KATNB1: variants seen among roughly 807,000 people sequenced by gnomAD.
KATNB1 encodes katanin p80 WD40 repeat-containing subunit B1.
KATNB1 carries 38 observed loss-of-function variants against 82.3 expected under a neutral mutation model. The observed-to-expected ratio is 0.46, with a 90% CI of 0.36 to 0.61. KATNB1 has a LOEUF of 0.61. KATNB1 is among the 20% of genes least tolerant of loss of function. KATNB1 has a pLI of 0.00. For missense variants in KATNB1, 749 were observed against 915.7 expected (o/e 0.82, Z 2.35); for synonymous variants, 361 against 368.7 (o/e 0.98, Z 0.24).
intron 2 of KATNB1, among the ~76,000 whole-genome samples, chr16:57,740,876 A>C (rs2049137009): frequency 6.8e-6 from 1 of 147,966 alleles, no homozygotes; most frequent in African/African-American, 2.5e-5. Flanking sequence ...CCCCATGCCC[A>C]CTCTCTCATG....
In KATNB1 at chr16:57,751,401, C is replaced by A; in HGVS notation, c.432+99C>A. The A allele has an allele frequency of 8.1e-7, 1 of 1,229,440 alleles. No homozygotes were observed. Among genetic ancestry groups the A allele is most frequent in the Non-Finnish European group, 1.2e-6 (1 of 833,010 alleles). 76.2% of individuals were successfully genotyped at this position (1,229,440 alleles called of 1,614,324 possible). ...GCAGGGGGTGGAGGGGACGGCTGTC[C>A]CACATGGGTGATAACATAAAACATA... On this transcript the variant is annotated intron_variant, in intron 6 of 19. Coordinates refer to ENST00000379661, the MANE Select transcript of KATNB1 (RefSeq NM_005886.3). The surrounding 1 kb of genome is among the most constrained non-coding windows in gnomAD (Gnocchi z 6.3).
rs1432858934 is a variant in KATNB1 at position 57,754,061 on chromosome 16, G to A, written c.1228+66G>A. On this transcript the variant is annotated intron_variant, in intron 13 of 19. Transcript: ENST00000379661. ...CCCCCGTCCCTCATCTTCTCTTCCT[G>A]TGAACCCTCCCAACAAGCCCCTTCC... 12 of 1,373,208 alleles carry A rather than the reference G, an allele frequency of 8.7e-6. No homozygotes were observed. The African/African-American group carries it at 1.6e-4, about 18-fold the overall frequency. The allele number at this position is 1,373,208 out of a possible 1,614,324, so 85.1% of individuals were successfully genotyped here. A position where few individuals can be genotyped will look rare whatever the true frequency, so the allele number is the denominator to read the frequency against.
chr16:57,754,097 CCCTCTCAG>C, intron 13 of KATNB1, 102 bp downstream of exon 13: 1 of 1,001,866 alleles, frequency 1.0e-6, no homozygotes, highest in Admixed American at 2.0e-5. Context: ...CAGGACCCTC[CCCTCTCAG>C]GACACGACCC....
Position 57,756,022 on chromosome 16 carries a change from C to G in KATNB1, c.1674C>G (p.Thr558=), listed in dbSNP as rs200775005. ...TGTGGAAGCTGGACCTGTGCACCAC[C>G]GTCCTGCCACAGATTGAGAAGCTTC... The part of the protein sequence containing the change: ...ASLWKLDLCT[T]VLPQIEKLLQ... Residue 558 remains threonine, a synonymous_variant, in exon 18 of 20, where the codon ACC becomes ACG. Transcript: ENST00000379661. The G allele has an allele frequency of 6.2e-7, 1 of 1,612,014 alleles. No homozygotes were observed. The highest frequency in any genetic ancestry group is 8.5e-7 in the Non-Finnish European group (1 of 1,180,006).
In KATNB1 at chr16:57,755,165, C is replaced by T. The variant is rs538774365; in HGVS notation, c.1343C>T (p.Pro448Leu). 8 of 1,612,620 alleles carry T rather than the reference C, an allele frequency of 5.0e-6. No homozygotes were observed. The African/African-American group carries it at 1.1e-4, about 21-fold the overall frequency. ...CCAGTGGTTGCTTCCACACCTGCAC[C>T]CAAGGCTGAGCCTGCCATCATCCCT... ...RPPVVASTPA[P>L]KAEPAIIPAT... The change falls in exon 15 of 20, where the codon CCC becomes CTC. Residue 448 changes from proline (P) to leucine (L), a missense_variant. Physicochemically the swap from Pro to Leu is moderately conservative, Grantham distance 98. This residue lies in a region of KATNB1 where 407 missense variants were observed against 434.7 expected (regional missense o/e 0.94). Coordinates refer to ENST00000379661, the MANE Select transcript of KATNB1 (RefSeq NM_005886.3).
In KATNB1 at chr16:57,750,882, G is replaced by T; in HGVS notation, c.345G>T (p.Pro115=). Residue 115 remains proline (P), a synonymous_variant, in exon 5 of 20, where the codon CCG becomes CCT. Coordinates refer to ENST00000379661, the MANE Select transcript of KATNB1 (RefSeq NM_005886.3). ...KANICSLDFH[P]YGEFVASGSQ... ...ACATCTGCAGCCTGGATTTCCACCC[G>T]TACGGCGAGTTTGTAGCCTCTGGTT... 2 of 1,614,074 alleles carry T rather than the reference G, an allele frequency of 1.2e-6. No individual in the cohort carries two copies. The highest frequency in any genetic ancestry group is 8.5e-7 in the Non-Finnish European group (1 of 1,179,996).
intron 16 of KATNB1, 110 bp from the exon 17 acceptor site, chr16:57,755,729 TAC>T: frequency 9.3e-7 from 1 of 1,074,530 alleles, no homozygotes; most frequent in Non-Finnish European, 1.3e-6. Flanking sequence ...CAGTGCTGAA[TAC>T]CCACAGCCCC....
intron 3 of KATNB1, among the ~76,000 whole-genome samples, chr16:57,743,640 C>T (rs2049159608): frequency 6.6e-6 from 1 of 152,192 alleles, no homozygotes; most frequent in Non-Finnish European, 1.5e-5. Context: ...AGCTGTCAGG[C>T]CCCAGCCGGC....
intron 3 of KATNB1, among the ~76,000 whole-genome samples, chr16:57,742,984 T>C (rs556165340): frequency 3.3e-4 from 50 of 152,318 alleles, no homozygotes; most frequent in African/African-American, 1.1e-3. Context: ...GTTGTGACTC[T>C]TGGTGAAATA....
At chr16:57,746,435 T>A (rs576961731) in intron 4 of KATNB1, among the ~76,000 whole-genome samples, 3 of 152,314 alleles carry the variant, frequency 2.0e-5, no homozygotes, top group Non-Finnish European at 2.9e-5. Flanking sequence ...GTGGTGAGCC[T>A]TGGGGTGGGT....
In KATNB1 at chr16:57,751,619, C is replaced by G; in HGVS notation, c.433-22C>G. ...GTTGGGCCCAGGATCCCAGGGTGAG[C>G]TCATGCCGTGTCCTCCCTCAGGGGC... is the stretch of plus-strand genomic sequence containing the variant. On this transcript the variant is annotated intron_variant, in intron 6 of 19. Transcript: ENST00000379661. This position sits in a 1 kb window ranked among gnomAD's most constrained non-coding sequence, Gnocchi z 6.3. 6.2e-7 allele frequency: 1 copy of G among 1,606,946 alleles called. No homozygotes were observed. Among genetic ancestry groups the G allele is most frequent in the South Asian group, 1.1e-5 (1 of 91,036 alleles).
chr16:57,737,215 T>C lies in KATNB1; in HGVS notation c.-29T>C. The stretch of plus-strand genomic sequence containing the variant: ...AGGAAAGCACAGTTTATTTTGTGGG[T>C]GGGGCTTCAGGTGCCAGCCAGCTGA... On this transcript the variant is annotated 5_prime_UTR_variant, in exon 2 of 20. Coordinates refer to ENST00000379661, the MANE Select transcript of KATNB1 (RefSeq NM_005886.3). 4.3e-6 allele frequency: 7 copies of C among 1,613,854 alleles called. No individual in the cohort carries two copies. Among genetic ancestry groups the C allele is most frequent in the Non-Finnish European group, 5.1e-6 (6 of 1,179,926 alleles).
intron 4 of KATNB1, among the ~76,000 whole-genome samples, chr16:57,745,432 A>G (rs534779986): frequency 3.3e-5 from 5 of 152,024 alleles, no homozygotes; most frequent in African/African-American, 9.7e-5. Flanking sequence ...GTGTGGTGGC[A>G]CATGTCTGTA....
At chr16:57,755,274 T>C in intron 15 of KATNB1, 36 bp downstream of exon 15, 1 of 1,610,322 alleles carries the variant, frequency 6.2e-7, no homozygotes, top group South Asian at 1.1e-5. Flanking sequence ...TGGGTGGAGG[T>C]CTGTGGGTGG....
At position 57,741,639 on chromosome 16, in the gene KATNB1, G is replaced by A. The variant is rs782431366; in HGVS notation, c.41-48G>A. On this transcript the variant is annotated intron_variant, in intron 2 of 19. Transcript: ENST00000379661. The stretch of plus-strand genomic sequence containing the variant: ...AGCAGGGTCACCCCTCCTTCACAAG[G>A]CCCCATCGGGCCGCCCTGATGGCCT... 5.7e-6 allele frequency: 9 copies of A among 1,573,346 alleles called. No individual in the cohort carries two copies. The Admixed American group carries it at 1.4e-4, about 24-fold the overall frequency.
chr16:57,737,164 G>C lies in KATNB1; in HGVS notation c.-80G>C, dbSNP rs550593704. On this transcript the variant is annotated 5_prime_UTR_variant, in exon 2 of 20. Coordinates refer to ENST00000379661, the MANE Select transcript of KATNB1 (RefSeq NM_005886.3). ...CTCTGCCAACTTGATTGGTGGATCT[G>C]GGGGGGGATCCACCCCCACCCCACG... 235 of 1,471,822 alleles carry C rather than the reference G, an allele frequency of 1.6e-4. No individual in the cohort carries two copies. The highest frequency in any genetic ancestry group is 2.1e-4 in the Non-Finnish European group (221 of 1,060,060). The allele number at this position is 1,471,822 out of a possible 1,614,324, so 91.2% of individuals were successfully genotyped here. A position where few individuals can be genotyped will look rare whatever the true frequency, so the allele number is the denominator to read the frequency against.
intron 16 of KATNB1, 29 bp downstream of exon 16, chr16:57,755,523 A>T: frequency 6.2e-7 from 1 of 1,600,514 alleles, no homozygotes. Flanking sequence ...ACAGGGCCTC[A>T]TCTCGCCCCC....
intron 8 of KATNB1, 78 bp downstream of exon 8, chr16:57,752,133 C>T (rs1186674316): frequency 6.9e-5 from 63 of 906,900 alleles, no homozygotes; most frequent in African/African-American, 9.8e-5. Context: ...TCTCTACTGC[C>T]GGTCTGTCGC....
At chr16:57,752,415 C>A in intron 8 of KATNB1, 115 bp from the exon 9 acceptor site, 2 of 923,784 alleles carry the variant, frequency 2.2e-6, no homozygotes, top group Non-Finnish European at 3.4e-6. Context: ...CCAGATGTTG[C>A]TCCTGGTGGC....
Sources: allele counts gnomAD v4.1 joint callset (sites outside exome capture counted in the v4.1 genomes callset), GRCh38; gene constraint gnomAD v4.1.1; regional missense constraint gnomAD v4.1.1; non-coding constraint Gnocchi (gnomAD v3.1); transcripts MANE v1.5; gene names NCBI Gene and HGNC (gene_info 2026-07-23, HGNC 2026-07-21).